The following MACROD2 variants were observed in gnomAD, a reference collection of about 807,000 sequenced individuals.
MACROD2 encodes mono-ADP ribosylhydrolase 2.
Under a neutral mutation model 70.4 loss-of-function variants are expected in MACROD2, and 36 were observed. The ratio of observed to expected loss-of-function variants is 0.51; its 90% CI spans 0.39 to 0.68. The LOEUF (loss-of-function observed/expected upper bound fraction) is 0.68. MACROD2 is among the 30% of genes least tolerant of loss of function. The probability of loss-of-function intolerance (pLI) is 0.00; values close to 1 mark genes in which losing one functional copy is unlikely to be tolerated. For synonymous variants in MACROD2, 172 were observed against 178.8 expected (o/e 0.96, Z 0.30); for missense variants, 496 against 538.4 (o/e 0.92, Z 0.78).
intron 3 of MACROD2, among the ~76,000 whole-genome samples, chr20:14,142,043 A>G (rs1251530481): frequency 6.8e-6 from 1 of 147,292 alleles, no homozygotes; most frequent in Non-Finnish European, 1.5e-5. Flanking sequence ...AAATTGAGGC[A>G]CAGACAATCT....
At chr20:15,571,902 T>C (rs2048381110) in intron 8 of MACROD2, among the ~76,000 whole-genome samples, 1 of 152,144 alleles carries the variant, frequency 6.6e-6, no homozygotes, top group Non-Finnish European at 1.5e-5. Flanking sequence ...AAAAAGTGTT[T>C]AACACTAACA....
rs915043590 is a variant in MACROD2, at chr20:14,026,228, A to T, written c.163+23824A>T. Among the ~76,000 whole-genome samples the T allele has an allele frequency of 2.6e-5, 4 of 152,110 alleles. No homozygotes were observed. In the East Asian group the frequency reaches 7.7e-4, roughly 29 times the overall value. On this transcript the variant is annotated intron_variant, in intron 2 of 17. Coordinates refer to ENST00000684519, the MANE Select transcript of MACROD2 (RefSeq NM_001351661.2). ...AATCTTCCTCCATCCTTTTGAGTCT[A>T]TGTGTGTCTTTGCATGTGAGATGGG...
At chr20:15,743,289 A>G (rs73897865) in intron 8 of MACROD2, among the ~76,000 whole-genome samples, 2,285 of 152,258 alleles carry the variant, frequency 0.015, 52 homozygotes, top group African/African-American at 0.05. Context: ...CTCACCTCAA[A>G]TGCTATCCCT....
intron 5 of MACROD2, among the ~76,000 whole-genome samples, chr20:15,157,588 A>G (rs2076318354): frequency 6.6e-6 from 1 of 152,012 alleles, no homozygotes; most frequent in African/African-American, 2.4e-5. Flanking sequence ...TTCTCTTTCT[A>G]TAAGCTCAAC....
intron 8 of MACROD2, among the ~76,000 whole-genome samples, chr20:15,656,569 C>G (rs573580240): frequency 2.6e-4 from 39 of 152,110 alleles, no homozygotes; most frequent in African/African-American, 9.4e-4. Flanking sequence ...GTGCCAAACC[C>G]CAGAGTTGGA....
At chr20:14,479,282 C>T (rs921177493) in intron 3 of MACROD2, among the ~76,000 whole-genome samples, 2 of 152,088 alleles carry the variant, frequency 1.3e-5, no homozygotes, top group African/African-American at 4.8e-5. Context: ...ATCATCCTGG[C>T]AGGTGCTTGT....
intron 8 of MACROD2, among the ~76,000 whole-genome samples, chr20:15,563,529 A>G (rs1010149690): frequency 2.6e-5 from 4 of 152,214 alleles, no homozygotes; most frequent in African/African-American, 9.6e-5. Flanking sequence ...ATAGTAAACC[A>G]TCTTAAAAGA....
chr20:15,896,677 T>C (rs1304695108), intron 10 of MACROD2, among the ~76,000 whole-genome samples: 1 of 152,180 alleles, frequency 6.6e-6, no homozygotes, highest in Non-Finnish European at 1.5e-5. Flanking sequence ...TTAGTAAATA[T>C]CTCGCTAAGA....
At chr20:15,068,451 A>T (rs112161731) in intron 5 of MACROD2, among the ~76,000 whole-genome samples, 22 of 152,264 alleles carry the variant, frequency 1.4e-4, no homozygotes, top group African/African-American at 5.3e-4. Flanking sequence ...TCTCATATAG[A>T]AATGTGACCC....
Position 14,828,409 on chromosome 20 carries a change from C to T in MACROD2, c.418+143450C>T, listed in dbSNP as rs527805532. ...CACCTATGTAAGAAGTTCCCTGATT[C>T]TCACTTCACTTTTAGGGTTAACTGG... On this transcript the variant is annotated intron_variant, in intron 5 of 17. Transcript: ENST00000684519. 6.6e-5 allele frequency among the ~76,000 whole-genome samples: 10 copies of T among 152,234 alleles called. No homozygotes were observed. In the East Asian group the frequency reaches 1.9e-3, roughly 29 times the overall value.
intron 16 of MACROD2, among the ~76,000 whole-genome samples, chr20:16,043,560 A>G (rs1397133762): frequency 1.3e-5 from 2 of 152,122 alleles, no homozygotes; most frequent in African/African-American, 4.8e-5. Flanking sequence ...GCTCTGGGTT[A>G]CTTCTGGAGA....
At chr20:15,696,072 G>A (rs1181422459) in intron 8 of MACROD2, among the ~76,000 whole-genome samples, 1 of 152,084 alleles carries the variant, frequency 6.6e-6, no homozygotes, top group East Asian at 1.9e-4. Flanking sequence ...AGGACTTCCA[G>A]TACTATGTTG....
At chr20:15,355,747 C>T (rs886104676) in intron 6 of MACROD2, among the ~76,000 whole-genome samples, 21 of 152,140 alleles carry the variant, frequency 1.4e-4, no homozygotes, top group African/African-American at 3.6e-4. Flanking sequence ...CTATCACTTA[C>T]GAAATTCCAA....
intron 5 of MACROD2, among the ~76,000 whole-genome samples, chr20:15,028,351 C>A (rs1038859678): frequency 6.6e-6 from 1 of 152,134 alleles, no homozygotes; most frequent in Admixed American, 6.5e-5. Context: ...ATGCACAGGG[C>A]CCAGAGTGGA....
intron 3 of MACROD2, among the ~76,000 whole-genome samples, chr20:14,098,434 A>G (rs1179550081): frequency 1.3e-5 from 2 of 152,226 alleles, no homozygotes; most frequent in Non-Finnish European, 2.9e-5. Flanking sequence ...TTTTTACTAC[A>G]TTAGTTGTGA....
chr20:15,074,391 G>A (rs138282378), intron 5 of MACROD2, among the ~76,000 whole-genome samples: 29 of 152,272 alleles, frequency 1.9e-4, no homozygotes, highest in African/African-American at 5.3e-4. Flanking sequence ...ACCTGAAGAC[G>A]ACTGGAGGGT....
At chr20:14,762,387 A>G (rs1328998236) in intron 5 of MACROD2, among the ~76,000 whole-genome samples, 1 of 152,164 alleles carries the variant, frequency 6.6e-6, no homozygotes, top group Non-Finnish European at 1.5e-5. Flanking sequence ...TGAAATAGAT[A>G]AGAGCTAGTA....
intron 9 of MACROD2, among the ~76,000 whole-genome samples, chr20:15,879,260 C>T (rs2064719075): frequency 6.6e-6 from 1 of 152,136 alleles, no homozygotes. Flanking sequence ...TGTGCCCATG[C>T]TTCATCAGTC....
intron 4 of MACROD2, among the ~76,000 whole-genome samples, chr20:14,577,794 A>AAAGAGAAGAGAAAAGAAGAGAAGAG: frequency 7.3e-6 from 1 of 137,826 alleles, no homozygotes; most frequent in East Asian, 2.2e-4. Context: ...AAAGAAAAGG[A>AAAGAGAAGAGAAAAGAAGAGAAGAG]AAGAGAAGAG....
Sources: allele counts gnomAD v4.1 joint callset (sites outside exome capture counted in the v4.1 genomes callset), GRCh38; gene constraint gnomAD v4.1.1; transcripts MANE v1.5; gene names NCBI Gene and HGNC (gene_info 2026-07-23, HGNC 2026-07-21).